Variants in CDC37L1 observed in about 807,000 individuals in gnomAD.
The protein encoded by CDC37L1 is hsp90 co-chaperone Cdc37-like 1.
Under a neutral mutation model 45.9 loss-of-function variants are expected in CDC37L1, and 32 were observed. The ratio of observed to expected loss-of-function variants is 0.70; its 90% confidence interval spans 0.53 to 0.94. The LOEUF is 0.94. Ranked by LOEUF, CDC37L1 falls within the 40% of genes least tolerant of loss-of-function variation. CDC37L1 has a pLI of 0.00. For synonymous variants in CDC37L1, 150 were observed against 133.0 expected (o/e 1.13, Z -0.88); for missense variants, 434 against 405.7 (o/e 1.07, Z -0.60).
chr9:4,704,631 A>T (rs1018805435), intron 6 of CDC37L1, among the ~76,000 whole-genome samples: 46 of 152,190 alleles, frequency 3.0e-4, no homozygotes, highest in African/African-American at 1.1e-3. Flanking sequence ...ATTGTTAGAA[A>T]AAGGTCTTAA....
intron 6 of CDC37L1, chr9:4,703,355 TG>T (rs1841417162): frequency 1.2e-4 from 35 of 291,774 alleles, no homozygotes; most frequent in South Asian, 2.0e-4. Flanking sequence ...CTACTCTGGC[TG>T]AAAAAAAAAA....
intron 3 of CDC37L1, 143 bp downstream of exon 3, chr9:4,688,749 G>A: frequency 2.2e-6 from 1 of 460,380 alleles, no homozygotes; most frequent in Non-Finnish European, 3.8e-6. Flanking sequence ...TATAGATCTT[G>A]TTTTAGAATT....
At chr9:4,688,020 T>C (rs779874923) in intron 2 of CDC37L1, among the ~76,000 whole-genome samples, 1 of 152,212 alleles carries the variant, frequency 6.6e-6, no homozygotes, top group Non-Finnish European at 1.5e-5. Context: ...TTTTGTGAGA[T>C]GGAGTCTTGT....
rs1006721009 is a variant in CDC37L1, at chr9:4,679,621, C to T, written c.-147C>T. On this transcript the variant is annotated 5_prime_UTR_variant, in exon 1 of 7. Coordinates refer to ENST00000381854, the MANE Select transcript of CDC37L1 (RefSeq NM_017913.4). ...CAGGCTGTCGCCGGGTGTGCAGCGG[C>T]GTCGCGGCCAGTAGAGGGATTCTGG... 1.6e-5 allele frequency: 11 copies of T among 667,310 alleles called. No homozygotes were observed. The African/African-American group carries it at 1.7e-4, about 10-fold the overall frequency. The allele number at this position is 667,310 out of a possible 1,614,324, so 41.3% of individuals were successfully genotyped here.
intron 2 of CDC37L1, among the ~76,000 whole-genome samples, chr9:4,687,674 A>T (rs1334599514): frequency 9.6e-6 from 1 of 104,046 alleles, no homozygotes; most frequent in Non-Finnish European, 1.8e-5. Context: ...GCAAGACCCC[A>T]TCTCAAAAAA....
chr9:4,694,729 G>A (rs753006664), intron 3 of CDC37L1, among the ~76,000 whole-genome samples: 1 of 151,896 alleles, frequency 6.6e-6, no homozygotes, highest in Non-Finnish European at 1.5e-5. Flanking sequence ...AAATTAACTG[G>A]GCGTGGTGAC....
rs7029799 is a variant in CDC37L1, at chr9:4,707,519, G to C, written c.*1407G>C. The C allele has an allele frequency of 0.096, 14,582 of 152,142 alleles. 1,221 individuals are homozygous for C. The highest frequency in any genetic ancestry group is 0.42 in the East Asian group (2,177 of 5,152). The allele number at this position is 152,142 out of a possible 1,614,324, so 9.4% of individuals were successfully genotyped here. On this transcript the variant is annotated 3_prime_UTR_variant, in exon 7 of 7. Transcript: ENST00000381854. ...CTCATTTGTATCTTGTTTTCGCTGA[G>C]GTGATCAGACACTTAGTACCCTAGA...
At position 4,706,084 on chromosome 9, in the gene CDC37L1, A is replaced by G; in HGVS notation, c.986A>G (p.Asp329Gly). The change falls in exon 7 of 7, where the codon GAT becomes GGT. Residue 329 changes from aspartate (D) to glycine (G), a missense_variant. By Grantham distance (94) the Asp-to-Gly change is moderately conservative. Transcript: ENST00000381854. ...AACTCGGTGGTACATAAAGAAGATG[A>G]TGAACCCAAAATGATGGACACTGTA... is the stretch of plus-strand genomic sequence containing the variant. Reference protein sequence around the residue: ...SLNSVVHKEDDEPKMMDTV With the variant: ...SLNSVVHKEDGEPKMMDTV The G allele has an allele frequency of 6.3e-7, 1 of 1,596,100 alleles. No homozygotes were observed. Among genetic ancestry groups the G allele is most frequent in the Non-Finnish European group, 8.6e-7 (1 of 1,163,776 alleles).
chr9:4,702,256 T>C (rs1841405946), intron 6 of CDC37L1, among the ~76,000 whole-genome samples: 5 of 152,208 alleles, frequency 3.3e-5, no homozygotes, highest in Admixed American at 3.3e-4. Flanking sequence ...AGTGATTAGT[T>C]ATACCTAACC....
At chr9:4,681,672 A>G (rs1314597296) in intron 1 of CDC37L1, among the ~76,000 whole-genome samples, 2 of 152,158 alleles carry the variant, frequency 1.3e-5, no homozygotes, top group Admixed American at 6.5e-5. Context: ...CTGATTATTA[A>G]TTCTGAGTTC....
chr9:4,697,331 A>T (rs2130851692), intron 4 of CDC37L1, 120 bp downstream of exon 4: 1 of 626,276 alleles, frequency 1.6e-6, no homozygotes, highest in East Asian at 3.0e-5. Flanking sequence ...GAAGGTCATT[A>T]GATGGAATTA....
At chr9:4,686,495 G>C (rs1340475542) in intron 2 of CDC37L1, among the ~76,000 whole-genome samples, 1 of 149,878 alleles carries the variant, frequency 6.7e-6, no homozygotes, top group Non-Finnish European at 1.5e-5. Context: ...CAAAACTATT[G>C]AAAATAATTT....
intron 3 of CDC37L1, among the ~76,000 whole-genome samples, chr9:4,689,243 TG>T (rs1382690478): frequency 6.6e-6 from 1 of 151,796 alleles, no homozygotes; most frequent in Admixed American, 6.6e-5. Flanking sequence ...AACAGCATGG[TG>T]TGTTCTGAGA....
Position 4,679,580 on chromosome 9 carries a change from C to A in CDC37L1, c.-188C>A. The A allele has an allele frequency of 1.9e-6, 1 of 521,126 alleles. No homozygotes were observed. The highest frequency in any genetic ancestry group is 3.0e-5 in the South Asian group (1 of 33,002). The allele number at this position is 521,126 out of a possible 1,614,324, so 32.3% of individuals were successfully genotyped here. On this transcript the variant is annotated 5_prime_UTR_variant, in exon 1 of 7. Transcript: ENST00000381854. Reference sequence around the variant, plus strand: ...CGCGCCGACTATTTCTTCCGCCGTCCGCCGGTGGCGAGGCCCAGGCTGTCG... The same window carrying A: ...CGCGCCGACTATTTCTTCCGCCGTCAGCCGGTGGCGAGGCCCAGGCTGTCG...
At chr9:4,701,325 G>C (rs1391451136) in intron 5 of CDC37L1, among the ~76,000 whole-genome samples, 2 of 152,194 alleles carry the variant, frequency 1.3e-5, no homozygotes, top group Non-Finnish European at 1.5e-5. Context: ...TGCTTAACTA[G>C]AGCAAGATGG....
intron 3 of CDC37L1, among the ~76,000 whole-genome samples, chr9:4,691,944 G>A (rs1002167832): frequency 4.6e-5 from 7 of 152,046 alleles, no homozygotes; most frequent in African/African-American, 1.7e-4. Context: ...TGACATCACT[G>A]GCTTTATGGT....
chr9:4,705,016 A>G (rs1841429771), intron 6 of CDC37L1, among the ~76,000 whole-genome samples: 1 of 152,132 alleles, frequency 6.6e-6, no homozygotes, highest in Admixed American at 6.5e-5. Flanking sequence ...CCTGATTGGG[A>G]ATAATCCGAA....
rs1480093470 is a variant in CDC37L1, at chr9:4,682,813, AC to A, written c.133-2063del. On this transcript the variant is annotated intron_variant, in intron 1 of 6. Transcript: ENST00000381854. ...TACAAAAGTTCTTACATCTTTTCTTACAAAATAAGTTATATAGCTTAATTTT... is the reference window on the plus strand; with the variant it reads ...TACAAAAGTTCTTACATCTTTTCTTAAAAATAAGTTATATAGCTTAATTTT... Among the ~76,000 whole-genome samples the A allele has an allele frequency of 6.6e-5, 10 of 151,978 alleles. No homozygotes were observed. The South Asian group carries it at 1.9e-3, about 28-fold the overall frequency.
At chr9:4,692,735 T>A (rs1460504670) in intron 3 of CDC37L1, among the ~76,000 whole-genome samples, 1 of 152,240 alleles carries the variant, frequency 6.6e-6, no homozygotes, top group Non-Finnish European at 1.5e-5. Flanking sequence ...GAAAAAAATT[T>A]TTCAAAGCGT....
Sources: allele counts gnomAD v4.1 joint callset (sites outside exome capture counted in the v4.1 genomes callset), GRCh38; gene constraint gnomAD v4.1.1; transcripts MANE v1.5; gene names NCBI Gene and HGNC (gene_info 2026-07-23, HGNC 2026-07-21).